The following RMDN2 variants were observed in gnomAD, a reference collection of about 807,000 sequenced individuals.
RMDN2 encodes regulator of microtubule dynamics 2, also known as regulator of microtubule dynamics protein 2.
Under a neutral mutation model 52.8 loss-of-function variants are expected in RMDN2, and 61 were observed. The observed-to-expected ratio is 1.16, with a 90% confidence interval of 0.94 to 1.43. The LOEUF (loss-of-function observed/expected upper bound fraction) is 1.43. Ranked by LOEUF, RMDN2 falls within the 40% of genes most tolerant of loss-of-function variation. The pLI is 0.00. For missense variants in RMDN2, 592 were observed against 475.3 expected (o/e 1.25, Z -2.28); for synonymous variants, 180 against 153.1 (o/e 1.18, Z -1.30).
chr2:37,975,335 A>G, intron 4 of RMDN2, 21 bp downstream of exon 4: 1 of 1,332,840 alleles, frequency 7.5e-7, no homozygotes, highest in Non-Finnish European at 1.1e-6. Context: ...TGTAAAGATT[A>G]TTCTCAAGTA....
intron 7 of RMDN2, among the ~76,000 whole-genome samples, chr2:37,993,760 G>C: frequency 6.6e-6 from 1 of 151,014 alleles, no homozygotes; most frequent in Non-Finnish European, 1.5e-5. Context: ...TACAATGCCT[G>C]GTGGGGGGTG....
chr2:37,970,873 C>T (rs1671720990), intron 2 of RMDN2, among the ~76,000 whole-genome samples: 1 of 152,026 alleles, frequency 6.6e-6, no homozygotes, highest in South Asian at 2.1e-4. Context: ...TTTTTATTTG[C>T]AGAGTTGCCC....
At chr2:37,972,972 T>TA (rs1419835111) in intron 2 of RMDN2, among the ~76,000 whole-genome samples, 4 of 152,242 alleles carry the variant, frequency 2.6e-5, no homozygotes, top group Admixed American at 6.5e-5. Flanking sequence ...CTTGCTTTGT[T>TA]AGTTTTTTTG....
chr2:37,970,245 A>G (rs1270232362), intron 2 of RMDN2, among the ~76,000 whole-genome samples: 1 of 152,138 alleles, frequency 6.6e-6, no homozygotes, highest in Non-Finnish European at 1.5e-5. Context: ...AGGCTTTGGT[A>G]TTTCTTTTGT....
At chr2:38,061,168 G>A (rs781200686) in intron 10 of RMDN2, among the ~76,000 whole-genome samples, 4 of 152,102 alleles carry the variant, frequency 2.6e-5, no homozygotes, top group Admixed American at 1.3e-4. Flanking sequence ...CCTTCCTGAA[G>A]GAGGCAACAC....
rs760454023 is a variant in RMDN2 at position 37,975,223 on chromosome 2, A to G, written c.639A>G (p.Glu213=). The change falls in exon 4 of 11, where the codon GAA becomes GAG. Residue 213 remains glutamate, a synonymous_variant. Coordinates refer to ENST00000354545, the MANE Select transcript of RMDN2 (RefSeq NM_001170791.3). Reference sequence around the variant, plus strand: ...TCTTTTCTTTTCAGTTTAGAGATGAAATAGAGTTTATGTGGCGATTTGCTC... The same window carrying G: ...TCTTTTCTTTTCAGTTTAGAGATGAGATAGAGTTTATGTGGCGATTTGCTC... ...LRDHKEKFRD[E]IEFMWRFARA... 2.2e-5 allele frequency: 35 copies of G among 1,596,326 alleles called. No individual in the cohort carries two copies. The highest frequency in any genetic ancestry group is 2.6e-6 in the Non-Finnish European group (3 of 1,164,204).
Position 38,017,248 on chromosome 2 carries a change from A to T in RMDN2, c.*9A>T, listed in dbSNP as rs1213586354. ...CTTCCTTGAAGAGGTAAATAAACGA[A>T]TTTACTCTTCAACAAATCAGATGTG... On this transcript the variant is annotated 3_prime_UTR_variant, in exon 11 of 11. Coordinates refer to ENST00000354545, the MANE Select transcript of RMDN2 (RefSeq NM_001170791.3). The T allele has an allele frequency of 6.5e-7, 1 of 1,527,346 alleles. No homozygotes were observed. Among genetic ancestry groups the T allele is most frequent in the Admixed American group, 2.1e-5 (1 of 47,608 alleles). The allele number at this position is 1,527,346 out of a possible 1,614,324, so 94.6% of individuals were successfully genotyped here.
At chr2:38,064,482 T>G (rs1193701940) in intron 10 of RMDN2, among the ~76,000 whole-genome samples, 1 of 150,426 alleles carries the variant, frequency 6.6e-6, no homozygotes, top group Admixed American at 6.6e-5. Context: ...AGAGCGAGAC[T>G]CCATCTCAAA....
At chr2:37,955,803 G>A (rs1176178661) in intron 2 of RMDN2, among the ~76,000 whole-genome samples, 1 of 152,116 alleles carries the variant, frequency 6.6e-6, no homozygotes, top group African/African-American at 2.4e-5. Context: ...TCCCAGTCTC[G>A]GGTATGTCTT....
At chr2:37,947,083 G>C (rs954685069) in intron 2 of RMDN2, among the ~76,000 whole-genome samples, 1 of 151,658 alleles carries the variant, frequency 6.6e-6, no homozygotes, top group Non-Finnish European at 1.5e-5. Flanking sequence ...AGATTTAGAG[G>C]GTAAAAATGC....
chr2:37,997,079 A>C (rs971307157), intron 7 of RMDN2, among the ~76,000 whole-genome samples: 19 of 152,118 alleles, frequency 1.2e-4, no homozygotes, highest in Admixed American at 1.0e-3. Flanking sequence ...TCAGATGAAC[A>C]AACGGGATCA....
At chr2:37,972,999 G>A (rs1263731711) in intron 2 of RMDN2, among the ~76,000 whole-genome samples, 1 of 152,166 alleles carries the variant, frequency 6.6e-6, no homozygotes. Context: ...TCTATCTAAC[G>A]GGAGCTGCAA....
In RMDN2 at chr2:37,989,540, G is replaced by C. The variant is rs770626232; in HGVS notation, c.792-1G>C. On this transcript the variant is annotated splice_acceptor_variant, in intron 5 of 10. Coordinates refer to ENST00000354545, the MANE Select transcript of RMDN2 (RefSeq NM_001170791.3). LOFTEE classifies it high-confidence loss of function. ...TTTTTGTCTGTTTTTGTCCTTTTCA[G>C]GTATGCAGTTTTGTGTGGCTATGTA... The C allele has an allele frequency of 6.2e-7, 1 of 1,608,102 alleles. No individual in the cohort carries two copies.
intron 5 of RMDN2, among the ~76,000 whole-genome samples, chr2:37,987,171 C>T (rs1674133383): frequency 6.6e-6 from 1 of 152,076 alleles, no homozygotes; most frequent in African/African-American, 2.4e-5. Context: ...TCTATACCAG[C>T]AATGAAGAAG....
At chr2:38,051,462 T>C (rs1449381929) in intron 10 of RMDN2, among the ~76,000 whole-genome samples, 2 of 152,218 alleles carry the variant, frequency 1.3e-5, no homozygotes, top group African/African-American at 4.8e-5. Flanking sequence ...CTGACACATA[T>C]AAAATATGTA....
intron 10 of RMDN2, among the ~76,000 whole-genome samples, chr2:38,037,582 C>T (rs998673398): frequency 2.6e-5 from 4 of 152,220 alleles, no homozygotes; most frequent in Admixed American, 1.3e-4. Context: ...GCCCCTAACA[C>T]GTGCTGCACA....
upstream of RMDN2, among the ~76,000 whole-genome samples, chr2:37,924,161 T>A (rs749220840): frequency 2.0e-5 from 3 of 152,212 alleles, no homozygotes; most frequent in Non-Finnish European, 4.4e-5. Context: ...TGAATCCCTA[T>A]CCGTAAACAG....
At chr2:37,964,143 C>T (rs963479418) in intron 2 of RMDN2, among the ~76,000 whole-genome samples, 15 of 151,562 alleles carry the variant, frequency 9.9e-5, no homozygotes, top group African/African-American at 2.9e-4. Flanking sequence ...TCAGACGGGG[C>T]GCCTGCCGGG....
At chr2:37,966,150 G>A (rs960499813) in intron 2 of RMDN2, among the ~76,000 whole-genome samples, 2 of 152,216 alleles carry the variant, frequency 1.3e-5, no homozygotes, top group African/African-American at 4.8e-5. Flanking sequence ...GGCCGGGCGT[G>A]GTGGCTCACG....
Sources: gnomAD v4.1 joint callset for allele counts (sites outside exome capture counted in the v4.1 genomes callset) on GRCh38, gnomAD v4.1.1 for gene constraint, MANE v1.5 for transcripts, NCBI Gene and HGNC (gene_info 2026-07-23, HGNC 2026-07-21) for gene names.